Variants in DGKB observed in about 807,000 individuals in gnomAD.
The protein encoded by DGKB is 90 kDa diacylglycerol kinase.
A neutral mutation model predicts 114.3 loss-of-function variants in DGKB; 67 were observed. That is an observed-to-expected ratio of 0.59 (90% CI 0.48 to 0.72). The LOEUF is 0.72. Among genes scored for constraint, DGKB ranks in the 30% least tolerant of loss-of-function variants. DGKB has a pLI of 0.00. For synonymous variants in DGKB, 398 were observed against 323.1 expected (o/e 1.23, Z -2.49); for missense variants, 907 against 975.2 (o/e 0.93, Z 0.93).
intron 20 of DGKB, among the ~76,000 whole-genome samples, chr7:14,571,933 C>T (rs956537601): frequency 1.3e-5 from 2 of 152,072 alleles, no homozygotes; most frequent in African/African-American, 2.4e-5. Flanking sequence ...ATGATAACCA[C>T]TGTGGGCAGA....
chr7:14,308,866 G>A (rs1228287763), intron 23 of DGKB, among the ~76,000 whole-genome samples: 1 of 152,122 alleles, frequency 6.6e-6, no homozygotes, highest in African/African-American at 2.4e-5. Context: ...TAACAATCTC[G>A]ATGTTCTTTT....
At chr7:14,754,721 T>C (rs1834619365) in intron 3 of DGKB, among the ~76,000 whole-genome samples, 1 of 152,186 alleles carries the variant, frequency 6.6e-6, no homozygotes, top group South Asian at 2.1e-4. Flanking sequence ...AAACTAGCTG[T>C]AATAACGTTC....
intron 7 of DGKB, 44 bp downstream of exon 7, chr7:14,701,637 A>G (rs771708118): frequency 2.8e-6 from 4 of 1,413,126 alleles, no homozygotes; most frequent in Admixed American, 3.4e-5. Flanking sequence ...TCTTCAGAAG[A>G]AAATCTTTGA....
intron 9 of DGKB, among the ~76,000 whole-genome samples, chr7:14,687,975 T>C (rs1822014599): frequency 6.6e-6 from 1 of 152,238 alleles, no homozygotes; most frequent in Non-Finnish European, 1.5e-5. Flanking sequence ...TAAATGGCTT[T>C]ATAGCTCTTA....
At chr7:14,860,531 G>A (rs1850821888) in intron 1 of DGKB, among the ~76,000 whole-genome samples, 1 of 151,922 alleles carries the variant, frequency 6.6e-6, no homozygotes, top group Non-Finnish European at 1.5e-5. Flanking sequence ...GTATTTTACT[G>A]TAATTTCCCA....
At chr7:14,358,386 T>C (rs1423865911) in intron 21 of DGKB, among the ~76,000 whole-genome samples, 2 of 152,198 alleles carry the variant, frequency 1.3e-5, no homozygotes, top group African/African-American at 2.4e-5. Flanking sequence ...GAATCGGCTA[T>C]TGAAGCTTGT....
chr7:14,886,271 G>A (rs1351684651), intron 1 of DGKB, among the ~76,000 whole-genome samples: 2 of 151,764 alleles, frequency 1.3e-5, no homozygotes, highest in Admixed American at 6.6e-5. Context: ...TCAAGCTGAC[G>A]GAGATCTGAA....
chr7:14,556,434 A>T, intron 20 of DGKB, among the ~76,000 whole-genome samples: 1 of 152,244 alleles, frequency 6.6e-6, no homozygotes, highest in East Asian at 1.9e-4. Context: ...CTCTACATAA[A>T]CATTTAATTT....
rs1251714308 is a variant in DGKB, at chr7:14,580,932, C to T, written c.1539G>A (p.Lys513=). 1.9e-6 allele frequency: 3 copies of T among 1,603,046 alleles called. No individual in the cohort carries two copies. The highest frequency in any genetic ancestry group is 1.7e-4 in the Middle Eastern group (1 of 5,984). Residue 513 remains lysine (K), a synonymous_variant, in exon 19 of 26, where the codon AAG becomes AAA. Transcript: ENST00000402815. ...LDCIEKANVG[K]HPPVAILPLG... is the part of the protein sequence containing the mutation. ...GAGGCAGAATCGCAACTGGAGGATG[C>T]TTGCCTACATTGGCCTTTTCTGCAG...
intron 15 of DGKB, 188 bp downstream of exon 15, chr7:14,621,190 C>A: frequency 2.1e-6 from 1 of 480,450 alleles, no homozygotes; most frequent in Non-Finnish European, 3.6e-6. Context: ...ATTAATTTAA[C>A]CAGAATGTTA....
chr7:14,523,194 A>G (rs576660565), intron 20 of DGKB, among the ~76,000 whole-genome samples: 70 of 152,330 alleles, frequency 4.6e-4, no homozygotes, highest in African/African-American at 1.6e-3. Flanking sequence ...CTTCTCTTTG[A>G]AAGCATATTT....
At chr7:14,561,502 TCAGAAAAAGA>T (rs933219654) in intron 20 of DGKB, among the ~76,000 whole-genome samples, 2 of 152,030 alleles carry the variant, frequency 1.3e-5, no homozygotes, top group African/African-American at 2.4e-5. Flanking sequence ...TTTGGAGGGC[TCAGAAAAAGA>T]CAGAAAAATG....
intron 25 of DGKB, among the ~76,000 whole-genome samples, chr7:14,155,875 T>C (rs542679900): frequency 9.4e-4 from 143 of 152,224 alleles, no homozygotes; most frequent in Non-Finnish European, 1.8e-3. Flanking sequence ...GCTCAGTATC[T>C]TTTGGGTCTG....
chr7:14,375,249 G>A (rs919130019), intron 21 of DGKB, among the ~76,000 whole-genome samples: 6 of 152,178 alleles, frequency 3.9e-5, no homozygotes, highest in Admixed American at 2.0e-4. Context: ...AAGCTTCCAG[G>A]CAGTGTAACA....
At chr7:14,711,734 C>A (rs1383336803) in intron 6 of DGKB, among the ~76,000 whole-genome samples, 5 of 152,050 alleles carry the variant, frequency 3.3e-5, no homozygotes, top group Admixed American at 3.3e-4. Flanking sequence ...ACAGGATGAT[C>A]TCTGGGGAGT....
At chr7:14,175,118 G>A (rs886974876) in intron 25 of DGKB, among the ~76,000 whole-genome samples, 3 of 152,190 alleles carry the variant, frequency 2.0e-5, no homozygotes, top group African/African-American at 7.2e-5. Context: ...AGTAGTGGTT[G>A]AGAGAATGGG....
intron 4 of DGKB, among the ~76,000 whole-genome samples, chr7:14,736,579 C>G (rs1208113115): frequency 1.3e-5 from 2 of 152,290 alleles, no homozygotes; most frequent in East Asian, 3.9e-4. Flanking sequence ...CAAGCCAATA[C>G]AGAGTCATAT....
chr7:14,773,495 A>G (rs1837713735), intron 2 of DGKB, among the ~76,000 whole-genome samples: 1 of 152,154 alleles, frequency 6.6e-6, no homozygotes, highest in Non-Finnish European at 1.5e-5. Flanking sequence ...ATGAAGAATG[A>G]CAGAGAAGGT....
intron 1 of DGKB, among the ~76,000 whole-genome samples, chr7:14,878,992 C>G (rs1419510011): frequency 1.3e-5 from 2 of 151,722 alleles, no homozygotes; most frequent in African/African-American, 4.9e-5. Flanking sequence ...TTTTATAGCT[C>G]TATAAATTGT....
Sources: allele counts gnomAD v4.1 joint callset (sites outside exome capture counted in the v4.1 genomes callset), GRCh38; gene constraint gnomAD v4.1.1; transcripts MANE v1.5; gene names NCBI Gene and HGNC (gene_info 2026-07-23, HGNC 2026-07-21).